Variants in TMEM74 observed in about 807,000 individuals in gnomAD.
TMEM74 encodes the protein transmembrane protein 74.
In TMEM74, 13 loss-of-function variants were observed where a neutral mutation model predicts 18.1. The observed-to-expected ratio is 0.72, with a 90% confidence interval of 0.47 to 1.14. TMEM74 has a LOEUF of 1.14. Among genes scored for constraint, TMEM74 ranks in the 50% most tolerant of loss-of-function variants. The probability of loss-of-function intolerance (pLI) is 0.00; values close to 1 mark genes in which losing one functional copy is unlikely to be tolerated. For synonymous variants in TMEM74, 159 were observed against 146.6 expected (o/e 1.08, Z -0.61); for missense variants, 372 against 375.9 (o/e 0.99, Z 0.09).
chr8:108,629,684 A>G (rs1209450077), intron 2 of TMEM74, among the ~76,000 whole-genome samples: 6 of 152,120 alleles, frequency 3.9e-5, no homozygotes, highest in African/African-American at 1.4e-4. Context: ...AACATTCAAC[A>G]TTCTTAAATA....
chr8:108,752,043 TTGAA>T (rs4034229), intron 1 of TMEM74, among the ~76,000 whole-genome samples: 53,158 of 151,076 alleles, frequency 0.35, 9,754 homozygotes, highest in African/African-American at 0.46. Flanking sequence ...ATTAATGTTG[TTGAA>T]TGAATGAATG....
chr8:108,773,013 A>G (rs1814190827), intron 1 of TMEM74, among the ~76,000 whole-genome samples: 1 of 152,192 alleles, frequency 6.6e-6, no homozygotes, highest in Admixed American at 6.6e-5. Context: ...TTACTTATTA[A>G]TATGATATAG....
intron 2 of TMEM74, among the ~76,000 whole-genome samples, chr8:108,611,233 A>G (rs1206573190): frequency 6.6e-6 from 1 of 152,192 alleles, no homozygotes; most frequent in Non-Finnish European, 1.5e-5. Context: ...TATAGGGTGT[A>G]TATCTGCAGT....
chr8:108,786,400 C>A lies in TMEM74; in HGVS notation c.-40+1076G>T, dbSNP rs147256558. Among the ~76,000 whole-genome samples, 542 of 152,222 alleles carry A rather than the reference C, an allele frequency of 3.6e-3. 3 individuals are homozygous for A. The highest frequency in any genetic ancestry group is 0.012 in the African/African-American group (517 of 41,532). ...AATCCAGGGTGATAATTGATTTAACCCAACGGCTTGAGGCTTCTTATAATT... is the reference window on the plus strand; with the variant it reads ...AATCCAGGGTGATAATTGATTTAACACAACGGCTTGAGGCTTCTTATAATT... On this transcript the variant is annotated intron_variant, in intron 1 of 1. Coordinates refer to ENST00000297459, the MANE Select transcript of TMEM74 (RefSeq NM_153015.3).
rs915453024 is a variant in TMEM74, at chr8:108,680,923, G to C, written n.120-25486C>G. Among the ~76,000 whole-genome samples, 59 of 152,064 alleles carry C rather than the reference G, an allele frequency of 3.9e-4. 1 individual carries two copies. The East Asian group carries it at 5.6e-3, about 15-fold the overall frequency. On this transcript the variant is annotated intron_variant and non_coding_transcript_variant, in intron 1 of 3. Coordinates refer to the TMEM74 transcript ENST00000518838. Reference sequence around the variant, plus strand: ...AGTGAACTCCCATTCACAATTGCTTGAAAGAGAATAAAATACCTAGGAATC... The same window carrying C: ...AGTGAACTCCCATTCACAATTGCTTCAAAGAGAATAAAATACCTAGGAATC...
At chr8:108,765,024 G>A (rs990935521) in intron 1 of TMEM74, among the ~76,000 whole-genome samples, 39 of 151,952 alleles carry the variant, frequency 2.6e-4, no homozygotes, top group Admixed American at 9.8e-4. Context: ...TTCCCCTTCC[G>A]TTTTCAGCCT....
At position 108,784,227 on chromosome 8, in the gene TMEM74, A is replaced by G; in HGVS notation, c.872T>C (p.Leu291Pro). ...RMKTSTNENT[L>P]ELSLVEEDAL... ...ATCTTCCTCTACCAAGGACAGTTCC[A>G]GAGTGTTTTCATTCGTGCTGGTTTT... is the stretch of plus-strand genomic sequence containing the variant. The change falls in exon 2 of 2, where the codon CTG becomes CCG. Residue 291 changes from leucine (L) to proline (P), a missense_variant. Transcript: ENST00000297459. 1 of 1,614,164 alleles carries G rather than the reference A, an allele frequency of 6.2e-7. No individual in the cohort carries two copies. Among genetic ancestry groups the G allele is most frequent in the Non-Finnish European group, 8.5e-7 (1 of 1,180,004 alleles).
chr8:108,681,768 A>C (rs965705227), intron 1 of TMEM74, among the ~76,000 whole-genome samples: 3 of 152,036 alleles, frequency 2.0e-5, no homozygotes, highest in African/African-American at 7.2e-5. Flanking sequence ...CACTATAAAC[A>C]TGCCAAATGC....
rs200632995 is a variant in TMEM74, at chr8:108,784,992, G to T, written c.107C>A (p.Thr36Lys). The change falls in exon 2 of 2, where the codon ACA (threonine) becomes AAA (lysine). Residue 36 changes from threonine to lysine, a missense_variant. Transcript: ENST00000297459. The part of the protein sequence containing the change: ...LPGDQADTAA[T>K]RAALCCQKQC... ...TTTCTGACAGCAGAGAGCAGCTCTTGTGGCTGCTGTATCTGCCTGGTCACC... is the reference window on the plus strand; with the variant it reads ...TTTCTGACAGCAGAGAGCAGCTCTTTTGGCTGCTGTATCTGCCTGGTCACC... The T allele has an allele frequency of 8.7e-6, 14 of 1,614,148 alleles. No individual in the cohort carries two copies. The highest frequency in any genetic ancestry group is 1.2e-5 in the Non-Finnish European group (14 of 1,180,010).
intron 1 of TMEM74, among the ~76,000 whole-genome samples, chr8:108,769,758 A>T (rs1050943777): frequency 1.3e-5 from 2 of 152,016 alleles, no homozygotes; most frequent in African/African-American, 4.8e-5. Flanking sequence ...CAATATATAT[A>T]TTTTTTTAAT....
intron 2 of TMEM74, among the ~76,000 whole-genome samples, chr8:108,644,530 A>G (rs1200841511): frequency 3.3e-5 from 5 of 152,206 alleles, no homozygotes; most frequent in Non-Finnish European, 7.3e-5. Flanking sequence ...GCGCTTCTGC[A>G]CTGCAAAAGA....
chr8:108,725,910 G>A (rs1290873167), intron 1 of TMEM74, among the ~76,000 whole-genome samples: 2 of 152,174 alleles, frequency 1.3e-5, no homozygotes, highest in Non-Finnish European at 2.9e-5. Flanking sequence ...GTACTAATAT[G>A]TAATTATTGC....
In TMEM74 at chr8:108,784,967, T is replaced by C. The variant is rs758826622; in HGVS notation, c.132A>G (p.Lys44=). 6.2e-7 allele frequency: 1 copy of C among 1,614,112 alleles called. No homozygotes were observed. The highest frequency in any genetic ancestry group is 8.5e-7 in the Non-Finnish European group (1 of 1,180,012). ...TTGCTCTTGGGGTGGATGCACACTGTTTCTGACAGCAGAGAGCAGCTCTTG... is the reference window on the plus strand; with the variant it reads ...TTGCTCTTGGGGTGGATGCACACTGCTTCTGACAGCAGAGAGCAGCTCTTG... ...AATRAALCCQ[K]QCASTPRATE... Residue 44 remains lysine (K), a synonymous_variant, in exon 2 of 2, where the codon AAA becomes AAG. Coordinates refer to ENST00000297459, the MANE Select transcript of TMEM74 (RefSeq NM_153015.3).
At chr8:108,698,615 A>G (rs566001947) in intron 1 of TMEM74, among the ~76,000 whole-genome samples, 4 of 152,202 alleles carry the variant, frequency 2.6e-5, no homozygotes, top group Non-Finnish European at 5.9e-5. Flanking sequence ...GCCTTCTATT[A>G]CACAGAAACA....
At chr8:108,625,534 A>G (rs1332252322) in intron 2 of TMEM74, among the ~76,000 whole-genome samples, 2 of 152,034 alleles carry the variant, frequency 1.3e-5, no homozygotes, top group African/African-American at 2.4e-5. Context: ...TTCTTTTCCA[A>G]ACAAAACACA....
intron 2 of TMEM74, among the ~76,000 whole-genome samples, chr8:108,640,008 A>C (rs1323432204): frequency 6.6e-6 from 1 of 151,616 alleles, no homozygotes; most frequent in African/African-American, 2.4e-5. Flanking sequence ...AAGAAGTAGT[A>C]CTTTGTCAGT....
chr8:108,612,795 C>A (rs1475434959), intron 2 of TMEM74, among the ~76,000 whole-genome samples: 1 of 152,170 alleles, frequency 6.6e-6, no homozygotes, highest in Non-Finnish European at 1.5e-5. Context: ...GCTCTAGTTT[C>A]TTCTTCAAGT....
chr8:108,769,010 A>G (rs563092834), intron 1 of TMEM74, among the ~76,000 whole-genome samples: 3 of 152,122 alleles, frequency 2.0e-5, no homozygotes, highest in Non-Finnish European at 4.4e-5. Context: ...AATATTAAAA[A>G]TGTCACGTGA....
chr8:108,757,766 A>G (rs944588053), intron 1 of TMEM74, among the ~76,000 whole-genome samples: 3 of 151,990 alleles, frequency 2.0e-5, no homozygotes, highest in Admixed American at 1.3e-4. Flanking sequence ...GACTTCTTCA[A>G]TGAAGTCTTC....
Sources: allele counts gnomAD v4.1 joint callset (sites outside exome capture counted in the v4.1 genomes callset), GRCh38; gene constraint gnomAD v4.1.1; transcripts MANE v1.5; gene names NCBI Gene and HGNC (gene_info 2026-07-23, HGNC 2026-07-21).